CD36: variants seen among roughly 807,000 people sequenced by gnomAD.
CD36 encodes the protein platelet glycoprotein 4.
CD36 carries 119 observed loss-of-function variants against 55.2 expected under a neutral mutation model. That is an observed-to-expected ratio of 2.15 (90% confidence interval 1.86 to 2.51). The LOEUF (loss-of-function observed/expected upper bound fraction) is 2.51, where lower values mean the gene tolerates loss of function less well. Among genes scored for constraint, CD36 ranks in the 30% most tolerant of loss-of-function variants. The pLI is 0.00. For synonymous variants in CD36, 186 were observed against 193.6 expected, an observed-to-expected ratio of 0.96 and a Z score of 0.33; for missense variants, 819 against 555.5, an observed-to-expected ratio of 1.47 and a Z score of -4.77.
intron 1 of CD36, among the ~76,000 whole-genome samples, chr7:80,642,828 T>C (rs1225766240): frequency 1.3e-5 from 2 of 152,186 alleles, no homozygotes; most frequent in South Asian, 2.1e-4. Context: ...AGATTAATAC[T>C]TGTAATTTTG....
chr7:80,666,462 A>G lies in CD36; in HGVS notation c.721A>G (p.Ser241Gly). 1 of 1,607,976 alleles carries G rather than the reference A, an allele frequency of 6.2e-7. No individual in the cohort carries two copies. Residue 241 changes from serine (S) to glycine (G), a missense_variant, in exon 8 of 15, where the codon AGT (serine) becomes GGT (glycine). Physicochemically the swap from Ser to Gly is moderately conservative, Grantham distance 56 (BLOSUM62 0). Transcript: ENST00000447544. Reference protein sequence around the residue: ...KGKRNLSYWESHCDMINGTDA... With the variant: ...KGKRNLSYWEGHCDMINGTDA... ...TCCTAGGAATCTGTCCTATTGGGAA[A>G]GTCACTGCGACATGATTAATGGTAC...
At chr7:80,670,721 A>G (rs541893474) in intron 9 of CD36, 149 of 477,778 alleles carry the variant, frequency 3.1e-4, no homozygotes, top group Non-Finnish European at 5.0e-4. Flanking sequence ...ATAAATATTT[A>G]CTCTATTGGA....
chr7:80,622,892 A>T (rs1333581544), intron 1 of CD36, among the ~76,000 whole-genome samples: 1 of 152,148 alleles, frequency 6.6e-6, no homozygotes. Flanking sequence ...AGACAGCATT[A>T]TTGGGTTGTC....
At chr7:80,665,203 T>A (rs997459475) in intron 7 of CD36, among the ~76,000 whole-genome samples, 1 of 152,030 alleles carries the variant, frequency 6.6e-6, no homozygotes, top group Non-Finnish European at 1.5e-5. Context: ...TATTTCCTTT[T>A]TTTTTTTCTA....
exon 1 of CD36, chr7:80,602,299 A>T (rs974419521): frequency 6.6e-6 from 1 of 152,142 alleles, no homozygotes; most frequent in Non-Finnish European, 1.5e-5. Flanking sequence ...AATCCTGTTT[A>T]CTTTCTGCAT....
rs185542542 is a variant in CD36, at chr7:80,661,042, T to C, written c.282-21T>C. 2.5e-6 allele frequency: 4 copies of C among 1,581,350 alleles called. No homozygotes were observed. The African/African-American group carries it at 5.4e-5, about 21-fold the overall frequency. ...CACATATGACAAATGTTTTGAATTTTGTTTACTGCTATTTCTTTAGAGTTC... is the reference window on the plus strand; with the variant it reads ...CACATATGACAAATGTTTTGAATTTCGTTTACTGCTATTTCTTTAGAGTTC... On this transcript the variant is annotated intron_variant, in intron 4 of 14. Coordinates refer to ENST00000447544, the MANE Select transcript of CD36 (RefSeq NM_001001548.3).
intron 5 of CD36, among the ~76,000 whole-genome samples, chr7:80,661,860 G>C (rs1796558340): frequency 1.3e-5 from 2 of 152,094 alleles, no homozygotes. Context: ...TATTTGCTTG[G>C]GGCTCTAGAG....
chr7:80,639,821 G>A (rs1211497047), intron 1 of CD36: 1 of 151,958 alleles, frequency 6.6e-6, no homozygotes, highest in Non-Finnish European at 1.5e-5. Context: ...AAGAACTAAA[G>A]TAGAAATCAT....
intron 1 of CD36, among the ~76,000 whole-genome samples, chr7:80,622,613 A>G (rs1793529679): frequency 6.6e-6 from 1 of 152,230 alleles, no homozygotes; most frequent in Admixed American, 6.5e-5. Context: ...CTGAACCCTC[A>G]TTTGTAGGAC....
chr7:80,651,284 G>A (rs958267333), intron 3 of CD36, among the ~76,000 whole-genome samples: 3 of 151,950 alleles, frequency 2.0e-5, no homozygotes, highest in African/African-American at 7.3e-5. Flanking sequence ...TACCTATCAG[G>A]TACTATGCTT....
Position 80,616,434 on chromosome 7 carries a change from TG to T in CD36, c.-184+14056del, listed in dbSNP as rs2115839570. Among the ~76,000 whole-genome samples, 3 of 122,782 alleles carry T rather than the reference TG, an allele frequency of 2.4e-5. No homozygotes were observed. In the South Asian group the frequency reaches 1.1e-3, roughly 45 times the overall value. The allele number at this position is 122,782 out of a possible 152,430, so 80.5% of individuals were successfully genotyped here. ...GTTGGGGACCATCTGTGTGTGTGTG[TG>T]TGTGTGTGTGTGTGCCTGCACGCAC... On this transcript the variant is annotated intron_variant, in intron 1 of 13. Coordinates refer to the CD36 transcript ENST00000309881.
At chr7:80,637,319 G>A (rs931632312), upstream of CD36, among the ~76,000 whole-genome samples, 1 of 151,526 alleles carries the variant, frequency 6.6e-6, no homozygotes, top group African/African-American at 2.4e-5. Flanking sequence ...AAGATAAAAG[G>A]TCGCAGTTAT....
At chr7:80,604,123 A>G (rs184988978) in intron 1 of CD36, among the ~76,000 whole-genome samples, 26 of 152,094 alleles carry the variant, frequency 1.7e-4, no homozygotes, top group African/African-American at 6.0e-4. Context: ...GAGCAAGAGG[A>G]GGTACTAGAG....
intron 4 of CD36, among the ~76,000 whole-genome samples, chr7:80,658,505 T>G (rs568594417): frequency 1.3e-5 from 2 of 152,182 alleles, no homozygotes; most frequent in Admixed American, 1.3e-4. Flanking sequence ...ATTTTGTTTA[T>G]TTTTTGAGGC....
chr7:80,642,751 C>A (rs1457187926), intron 1 of CD36, among the ~76,000 whole-genome samples: 1 of 152,050 alleles, frequency 6.6e-6, no homozygotes, highest in Non-Finnish European at 1.5e-5. Context: ...AAAATTTGAA[C>A]AAATAGACAA....
At chr7:80,665,298 TTTC>T (rs1796965575) in intron 7 of CD36, among the ~76,000 whole-genome samples, 1 of 149,056 alleles carries the variant, frequency 6.7e-6, no homozygotes, top group Non-Finnish European at 1.5e-5. Context: ...AGGAACAAGC[TTTC>T]TTCTCCATAA....
chr7:80,646,978 T>C, intron 3 of CD36, 118 bp downstream of exon 3: 1 of 1,116,258 alleles, frequency 9.0e-7, no homozygotes, highest in Non-Finnish European at 1.3e-6. Context: ...ATCTTTGACA[T>C]AAAGGTAATT....
rs1794602035 is a variant in CD36, at chr7:80,638,751, G to A, written c.-184+5G>A. ...TCCTTCTTAGCCATTTTAAAGGTAA[G>A]TTGTATGATTTTTCTTTAAATAAAA... On this transcript the variant is annotated splice_donor_5th_base_variant and intron_variant, in intron 1 of 14. Transcript: ENST00000447544. 1 of 151,906 alleles carries A rather than the reference G, an allele frequency of 6.6e-6. No individual in the cohort carries two copies. The highest frequency in any genetic ancestry group is 1.5e-5 in the Non-Finnish European group (1 of 67,948). The allele number at this position is 151,906 out of a possible 1,614,324, so 9.4% of individuals were successfully genotyped here.
At chr7:80,672,879 T>TTACAA (rs748066721) in intron 12 of CD36, 36 bp downstream of exon 12, 448 of 1,322,238 alleles carry the variant, frequency 3.4e-4, no homozygotes, top group Middle Eastern at 6.1e-4. Context: ...TGATATGATC[T>TTACAA]GTAGTATCGT....
Sources: gnomAD v4.1 joint callset for allele counts (sites outside exome capture counted in the v4.1 genomes callset) on GRCh38, gnomAD v4.1.1 for gene constraint, MANE v1.5 for transcripts, NCBI Gene and HGNC (gene_info 2026-07-23, HGNC 2026-07-21) for gene names.